The following CDH13 variants were observed in gnomAD, a reference collection of about 807,000 sequenced individuals.
The protein encoded by CDH13 is cadherin-13.
Under a neutral mutation model 63.8 loss-of-function variants are expected in CDH13, and 24 were observed. The ratio of observed to expected loss-of-function variants is 0.38; its 90% CI spans 0.27 to 0.53. The LOEUF is 0.53. CDH13 is among the 20% of genes least tolerant of loss of function. The pLI is 0.85. For missense variants in CDH13, 1,049 were observed against 903.1 expected, an observed-to-expected ratio of 1.16 and a Z score of -2.07; for synonymous variants, 503 against 355.3, an observed-to-expected ratio of 1.42 and a Z score of -4.67.
At chr16:83,057,882 G>A (rs2031110679) in intron 3 of CDH13, among the ~76,000 whole-genome samples, 1 of 152,166 alleles carries the variant, frequency 6.6e-6, no homozygotes, top group Non-Finnish European at 1.5e-5. Context: ...CCTGCACACA[G>A]TAATTCCTTA....
intron 6 of CDH13, among the ~76,000 whole-genome samples, chr16:83,394,984 C>T (rs1231817275): frequency 6.6e-6 from 1 of 151,958 alleles, no homozygotes; most frequent in Non-Finnish European, 1.5e-5. Flanking sequence ...CCCGTCTCTA[C>T]TAAAAATGCA....
At chr16:83,547,194 A>C (rs2075401352) in intron 7 of CDH13, among the ~76,000 whole-genome samples, 1 of 152,194 alleles carries the variant, frequency 6.6e-6, no homozygotes, top group African/African-American at 2.4e-5. Flanking sequence ...AGTATGGTAA[A>C]AGCTAAGAAG....
At chr16:83,587,870 T>C (rs1032699781) in intron 7 of CDH13, among the ~76,000 whole-genome samples, 2 of 152,074 alleles carry the variant, frequency 1.3e-5, no homozygotes, top group African/African-American at 4.8e-5. Flanking sequence ...GTGGCAAATA[T>C]GGCCCCCCAG....
intron 4 of CDH13, among the ~76,000 whole-genome samples, chr16:83,188,983 G>T (rs1429056347): frequency 6.6e-6 from 1 of 152,170 alleles, no homozygotes; most frequent in Non-Finnish European, 1.5e-5. Context: ...TGGGATCTCA[G>T]TCATGGAAGT....
At chr16:83,284,020 AG>A (rs1430360840) in intron 5 of CDH13, among the ~76,000 whole-genome samples, 1 of 152,218 alleles carries the variant, frequency 6.6e-6, no homozygotes, top group Non-Finnish European at 1.5e-5. Context: ...ACAAGCCTAG[AG>A]CCAAACCATT....
intron 11 of CDH13, among the ~76,000 whole-genome samples, chr16:83,765,870 G>A (rs1043223679): frequency 6.6e-6 from 1 of 151,982 alleles, no homozygotes; most frequent in African/African-American, 2.4e-5. Context: ...AAAGGTGAAG[G>A]TACATTTAGA....
At chr16:83,531,647 G>T (rs1009800184) in intron 7 of CDH13, among the ~76,000 whole-genome samples, 1 of 152,140 alleles carries the variant, frequency 6.6e-6, no homozygotes, top group Non-Finnish European at 1.5e-5. Context: ...GGAGGCGAGT[G>T]GTATTGACTG....
chr16:83,424,821 T>G (rs757899324), intron 6 of CDH13, among the ~76,000 whole-genome samples: 1 of 152,202 alleles, frequency 6.6e-6, no homozygotes, highest in Non-Finnish European at 1.5e-5. Flanking sequence ...CAAGGTTGAT[T>G]AGACAGGTAG....
intron 2 of CDH13, 200 bp downstream of exon 2, chr16:82,858,673 CTTT>C: frequency 3.2e-6 from 2 of 616,638 alleles, no homozygotes; most frequent in Non-Finnish European, 5.8e-6. Context: ...ATATGCATCT[CTTT>C]TTAGTATTTT....
intron 10 of CDH13, among the ~76,000 whole-genome samples, chr16:83,736,796 C>T (rs893719724): frequency 2.6e-5 from 4 of 152,198 alleles, no homozygotes; most frequent in African/African-American, 9.7e-5. Flanking sequence ...CCTATTGCAG[C>T]AGTTGGGAGA....
At chr16:82,980,315 T>G (rs1029918724) in intron 2 of CDH13, among the ~76,000 whole-genome samples, 6 of 152,144 alleles carry the variant, frequency 3.9e-5, no homozygotes, top group Non-Finnish European at 8.8e-5. Context: ...TGGTCAAAAC[T>G]AGAGACTCAC....
intron 6 of CDH13, among the ~76,000 whole-genome samples, chr16:83,441,394 C>T (rs750462728): frequency 1.2e-4 from 18 of 152,174 alleles, no homozygotes; most frequent in Non-Finnish European, 2.5e-4. Context: ...TAATCTATAT[C>T]TATGTTAAAT....
chr16:82,633,548 T>G (rs927312410), intron 1 of CDH13, among the ~76,000 whole-genome samples: 6 of 152,144 alleles, frequency 3.9e-5, no homozygotes, highest in African/African-American at 1.4e-4. Context: ...CTGGCTAACT[T>G]TTTTATTTTT....
intron 8 of CDH13, among the ~76,000 whole-genome samples, chr16:83,604,848 C>T (rs977675758): frequency 1.3e-5 from 2 of 152,188 alleles, no homozygotes; most frequent in Non-Finnish European, 2.9e-5. Flanking sequence ...TTCAATGCCA[C>T]TGTGAATTTG....
At chr16:83,036,842 G>C (rs1916904699) in intron 3 of CDH13, among the ~76,000 whole-genome samples, 1 of 152,114 alleles carries the variant, frequency 6.6e-6, no homozygotes, top group Admixed American at 6.6e-5. Context: ...TCAAGGATTA[G>C]CCTGCACACC....
Position 83,032,115 on chromosome 16 carries a change from C to A in CDH13, c.263C>A (p.Thr88Asn). ...DGGLVALRNI[T>N]AVGKTLFVHA... ...GGCTTAGTTGCTCTGAGAAACATAA[C>A]TGCAGTGGGCAAAACTCTGTTCGTC... The change falls in exon 3 of 14, where the codon ACT (threonine) becomes AAT (asparagine). Residue 88 changes from threonine (T) to asparagine (N), a missense_variant. Thr to Asn is a moderately conservative substitution (Grantham distance 65). Transcript: ENST00000567109. 5 of 1,613,514 alleles carry A rather than the reference C, an allele frequency of 3.1e-6. No individual in the cohort carries two copies. The highest frequency in any genetic ancestry group is 3.4e-6 in the Non-Finnish European group (4 of 1,179,724).
chr16:83,710,704 G>A (rs1220423216), intron 10 of CDH13, among the ~76,000 whole-genome samples: 1 of 152,110 alleles, frequency 6.6e-6, no homozygotes, highest in Non-Finnish European at 1.5e-5. Flanking sequence ...CTTGTCTTGG[G>A]AATTAACAGG....
intron 3 of CDH13, among the ~76,000 whole-genome samples, chr16:83,034,605 G>A (rs942550968): frequency 2.6e-5 from 4 of 152,236 alleles, no homozygotes; most frequent in African/African-American, 9.6e-5. Flanking sequence ...CATGGAAATG[G>A]TATGGTGAGG....
chr16:82,923,530 A>C (rs1486385700), intron 2 of CDH13, among the ~76,000 whole-genome samples: 3 of 152,168 alleles, frequency 2.0e-5, no homozygotes. Context: ...CTACTTTTGT[A>C]CTCTGAGGCT....
Sources: allele counts gnomAD v4.1 joint callset (sites outside exome capture counted in the v4.1 genomes callset), GRCh38; gene constraint gnomAD v4.1.1; transcripts MANE v1.5; gene names NCBI Gene and HGNC (gene_info 2026-07-23, HGNC 2026-07-21).